The following PDE10A variants were observed in gnomAD, a reference collection of about 807,000 sequenced individuals.
PDE10A encodes the protein cAMP and cAMP-inhibited cGMP 3',5'-cyclic phosphodiesterase 10A.
Under a neutral mutation model 97.7 loss-of-function variants are expected in PDE10A, and 39 were observed. That is an observed-to-expected ratio of 0.40 (90% CI 0.31 to 0.52). PDE10A has a LOEUF of 0.52. PDE10A is among the 20% of genes least tolerant of loss of function. The pLI, the probability that PDE10A is intolerant of heterozygous loss-of-function variation, is 0.56. For missense variants in PDE10A, 731 were observed against 1,047.8 expected, an observed-to-expected ratio of 0.70 and a Z score of 4.17; for synonymous variants, 371 against 376.8, an observed-to-expected ratio of 0.98 and a Z score of 0.18.
At chr6:165,923,704 C>G (rs1331645800) in intron 1 of PDE10A, among the ~76,000 whole-genome samples, 4 of 152,054 alleles carry the variant, frequency 2.6e-5, no homozygotes, top group Admixed American at 1.3e-4. Context: ...GGAAGAGGCT[C>G]AGGAAACAGT....
chr6:165,977,410 C>T (rs1007909372), intron 1 of PDE10A, among the ~76,000 whole-genome samples: 1 of 152,188 alleles, frequency 6.6e-6, no homozygotes, highest in Admixed American at 6.5e-5. Flanking sequence ...CATCTTTCTT[C>T]TTAATACCGT....
At chr6:165,714,984 A>T (rs114688172) in intron 1 of PDE10A, among the ~76,000 whole-genome samples, 1,600 of 152,300 alleles carry the variant, frequency 0.011, 30 homozygotes, top group African/African-American at 0.037. Context: ...GAGCACAAAG[A>T]CCCGGTGTGA....
intron 3 of PDE10A, among the ~76,000 whole-genome samples, chr6:165,456,111 A>C (rs1245563420): frequency 1.3e-5 from 2 of 152,098 alleles, no homozygotes; most frequent in African/African-American, 4.8e-5. Flanking sequence ...ACTCTATCAT[A>C]CCCTCTCTCT....
chr6:165,430,388 T>G (rs745354063), intron 8 of PDE10A, 43 bp from the exon 9 acceptor site: 47 of 1,303,370 alleles, frequency 3.6e-5, no homozygotes, highest in Non-Finnish European at 5.0e-5. Context: ...AGATTTCTGC[T>G]TATTTCAAAA....
chr6:165,625,972 T>C (rs1472044727), intron 1 of PDE10A, among the ~76,000 whole-genome samples: 2 of 152,216 alleles, frequency 1.3e-5, no homozygotes, highest in Non-Finnish European at 2.9e-5. Flanking sequence ...TATCAGTTTA[T>C]AGACAAAGCT....
intron 1 of PDE10A, among the ~76,000 whole-genome samples, chr6:165,899,914 T>C (rs1342269015): frequency 6.6e-6 from 1 of 152,234 alleles, no homozygotes; most frequent in Admixed American, 6.5e-5. Context: ...CTTTTCTTTT[T>C]GAATCTCCCC....
chr6:165,410,694 C>A (rs60275476), intron 13 of PDE10A, among the ~76,000 whole-genome samples: 108 of 152,104 alleles, frequency 7.1e-4, no homozygotes, highest in African/African-American at 2.3e-3. Flanking sequence ...GAAGCACATG[C>A]CTGCTAACAG....
At chr6:165,609,278 T>G (rs1442940070) in intron 1 of PDE10A, among the ~76,000 whole-genome samples, 2 of 152,234 alleles carry the variant, frequency 1.3e-5, no homozygotes, top group Non-Finnish European at 1.5e-5. Context: ...TCTCAGTAGA[T>G]GCAGAAAAGG....
In PDE10A at chr6:165,336,137, A is replaced by G; in HGVS notation, c.3051T>C (p.Leu1017=). 6.2e-7 allele frequency: 1 copy of G among 1,612,746 alleles called. No homozygotes were observed. The highest frequency in any genetic ancestry group is 8.5e-7 in the Non-Finnish European group (1 of 1,178,790). The change falls in exon 21 of 22, where the codon CTT becomes CTC. Residue 1017 remains leucine, a synonymous_variant. Transcript: ENST00000539869. ...LTQILPPTEP[L]LKACRDNLSQ... ...ATAGTACATACCTGCATGCTTTCAGAAGAGGCTCCGTGGGAGGGAGGATCT... is the reference window on the plus strand; with the variant it reads ...ATAGTACATACCTGCATGCTTTCAGGAGAGGCTCCGTGGGAGGGAGGATCT...
chr6:165,646,299 C>A (rs187310919), intron 1 of PDE10A, among the ~76,000 whole-genome samples: 1 of 152,134 alleles, frequency 6.6e-6, no homozygotes, highest in African/African-American at 2.4e-5. Context: ...CTAGGTGGAG[C>A]CTATCATACT....
intron 1 of PDE10A, among the ~76,000 whole-genome samples, chr6:165,746,115 G>A (rs1441483750): frequency 1.3e-5 from 2 of 152,226 alleles, no homozygotes; most frequent in Non-Finnish European, 2.9e-5. Flanking sequence ...AGGAGCTAGA[G>A]AAAGGAATGA....
intron 1 of PDE10A, among the ~76,000 whole-genome samples, chr6:165,791,168 C>T (rs1778640095): frequency 6.6e-6 from 1 of 151,838 alleles, no homozygotes; most frequent in South Asian, 2.1e-4. Context: ...AGGCTGGTCT[C>T]AAACTCCTCT....
At chr6:165,476,850 G>C (rs1193410118) in intron 3 of PDE10A, among the ~76,000 whole-genome samples, 1 of 151,964 alleles carries the variant, frequency 6.6e-6, no homozygotes, top group African/African-American at 2.4e-5. Flanking sequence ...AGCATTTTGG[G>C]GGTAAAGTCT....
chr6:165,935,015 A>G (rs1783277319), intron 1 of PDE10A, among the ~76,000 whole-genome samples: 1 of 152,212 alleles, frequency 6.6e-6, no homozygotes, highest in African/African-American at 2.4e-5. Context: ...CACTGCTTCC[A>G]TGAAGTTACA....
chr6:165,961,608 C>T (rs1784363523), intron 1 of PDE10A, among the ~76,000 whole-genome samples: 1 of 152,216 alleles, frequency 6.6e-6, no homozygotes, highest in Non-Finnish European at 1.5e-5. Context: ...CCTCCACAAG[C>T]TTGGAAAGCT....
intron 1 of PDE10A, among the ~76,000 whole-genome samples, chr6:165,811,324 T>C (rs753431449): frequency 1.3e-5 from 2 of 152,210 alleles, no homozygotes; most frequent in Non-Finnish European, 2.9e-5. Flanking sequence ...AGTTACATCA[T>C]CTCTGCAGCT....
chr6:165,891,659 G>C (rs867888), intron 1 of PDE10A, among the ~76,000 whole-genome samples: 23,782 of 152,064 alleles, frequency 0.16, 2,047 homozygotes, highest in East Asian at 0.25. Flanking sequence ...AGACTAGAAT[G>C]AGGGATCTTG....
At position 165,333,518 on chromosome 6, in the gene PDE10A, G is replaced by A. The variant is rs769843636; in HGVS notation, c.3066-391C>T. 4.6e-5 allele frequency among the ~76,000 whole-genome samples: 7 copies of A among 152,148 alleles called. No individual in the cohort carries two copies. The South Asian group carries it at 6.2e-4, about 14-fold the overall frequency. On this transcript the variant is annotated intron_variant, in intron 21 of 21. Transcript: ENST00000539869. ...CAGTAGGAACACTTGGTGACAACACGGACCTTCCTACTGAGAAATGTCGAC... is the reference window on the plus strand; with the variant it reads ...CAGTAGGAACACTTGGTGACAACACAGACCTTCCTACTGAGAAATGTCGAC...
intron 1 of PDE10A, among the ~76,000 whole-genome samples, chr6:165,548,596 G>A (rs1464343830): frequency 3.3e-5 from 5 of 152,024 alleles, no homozygotes; most frequent in Non-Finnish European, 5.9e-5. Context: ...GTTCCATTTG[G>A]GGTACAATCT....
Sources: allele counts gnomAD v4.1 joint callset (sites outside exome capture counted in the v4.1 genomes callset), GRCh38; gene constraint gnomAD v4.1.1; transcripts MANE v1.5; gene names NCBI Gene and HGNC (gene_info 2026-07-23, HGNC 2026-07-21).